Variants in ARSB observed in about 807,000 individuals in gnomAD.
The protein encoded by ARSB is N-acetylgalactosamine-4-sulfatase.
A neutral mutation model predicts 50.9 loss-of-function variants in ARSB; 41 were observed. The ratio of observed to expected loss-of-function variants is 0.81; its 90% CI spans 0.63 to 1.04. The LOEUF (loss-of-function observed/expected upper bound fraction) is 1.04, where lower values mean the gene tolerates loss of function less well. ARSB is among the 50% of genes least tolerant of loss of function. ARSB has a pLI of 0.00. For missense variants in ARSB, 672 were observed against 693.3 expected, an observed-to-expected ratio of 0.97 and a Z score of 0.35; for synonymous variants, 269 against 284.8, an observed-to-expected ratio of 0.94 and a Z score of 0.56.
At chr5:78,836,480 A>G (rs1264318874) in intron 6 of ARSB, among the ~76,000 whole-genome samples, 7 of 152,222 alleles carry the variant, frequency 4.6e-5, no homozygotes, top group Non-Finnish European at 2.9e-5. Context: ...GAGGATGCCT[A>G]AATTTGTGGC....
intron 5 of ARSB, among the ~76,000 whole-genome samples, chr5:78,860,858 C>T (rs1746399843): frequency 6.6e-6 from 1 of 151,098 alleles, no homozygotes; most frequent in Non-Finnish European, 1.5e-5. Context: ...AATTGATAGA[C>T]CACTAGCAAG....
chr5:78,969,279 A>T, intron 1 of ARSB, 87 bp from the exon 2 acceptor site: 1 of 1,382,734 alleles, frequency 7.2e-7, no homozygotes, highest in Non-Finnish European at 1.0e-6. Context: ...CTTACTGATC[A>T]TATCTGTTGA....
At chr5:78,826,053 CTT>C (rs35428296) in intron 6 of ARSB, among the ~76,000 whole-genome samples, 25 of 145,230 alleles carry the variant, frequency 1.7e-4, no homozygotes, top group Admixed American at 1.4e-4. Context: ...CTTTTTCTTT[CTT>C]TTTTTTTTTT....
chr5:78,944,663 C>T (rs1751126760), intron 4 of ARSB, among the ~76,000 whole-genome samples: 1 of 152,184 alleles, frequency 6.6e-6, no homozygotes, highest in African/African-American at 2.4e-5. Context: ...GGTTACCCGG[C>T]CATGTGAGAT....
At chr5:78,919,864 G>A (rs1307718122) in intron 4 of ARSB, among the ~76,000 whole-genome samples, 1 of 152,178 alleles carries the variant, frequency 6.6e-6, no homozygotes, top group African/African-American at 2.4e-5. Flanking sequence ...GAACTGCAGA[G>A]ATTTTGAGTG....
chr5:78,826,191 C>T (rs561975521), intron 6 of ARSB, among the ~76,000 whole-genome samples: 1 of 151,988 alleles, frequency 6.6e-6, no homozygotes, highest in East Asian at 1.9e-4. Flanking sequence ...GGACTACAGG[C>T]GTGCACCACC....
chr5:78,909,765 T>TC (rs1398438558), intron 4 of ARSB, among the ~76,000 whole-genome samples: 1 of 151,852 alleles, frequency 6.6e-6, no homozygotes, highest in Non-Finnish European at 1.5e-5. Context: ...GACCTGACCA[T>TC]CCCCCCAGCC....
At chr5:78,841,813 T>C (rs1376023308) in intron 5 of ARSB, among the ~76,000 whole-genome samples, 1 of 152,156 alleles carries the variant, frequency 6.6e-6, no homozygotes, top group Non-Finnish European at 1.5e-5. Flanking sequence ...AGTTGATTGT[T>C]AGGAAAAATC....
chr5:78,916,739 A>G (rs1459165787), intron 4 of ARSB, among the ~76,000 whole-genome samples: 1 of 152,216 alleles, frequency 6.6e-6, no homozygotes, highest in Non-Finnish European at 1.5e-5. Context: ...GAATGAGACA[A>G]AGGTTTAGTA....
intron 5 of ARSB, among the ~76,000 whole-genome samples, chr5:78,872,378 G>A (rs1335456732): frequency 6.9e-6 from 1 of 144,628 alleles, no homozygotes; most frequent in Non-Finnish European, 1.5e-5. Flanking sequence ...TATGTTTATT[G>A]TGGCATTATT....
At chr5:78,918,212 T>C (rs1749646161) in intron 4 of ARSB, among the ~76,000 whole-genome samples, 1 of 152,224 alleles carries the variant, frequency 6.6e-6, no homozygotes, top group African/African-American at 2.4e-5. Flanking sequence ...TACATACATA[T>C]TAAAACCACT....
At chr5:78,839,277 G>T in intron 6 of ARSB, 79 bp downstream of exon 6, 1 of 1,360,686 alleles carries the variant, frequency 7.3e-7, no homozygotes. Context: ...GAGAAAGCTA[G>T]GCTAGAGACA....
At chr5:78,904,078 T>C (rs1332793683) in intron 4 of ARSB, among the ~76,000 whole-genome samples, 3 of 152,122 alleles carry the variant, frequency 2.0e-5, no homozygotes, top group East Asian at 1.9e-4. Context: ...CAGAATGTCA[T>C]ATAAAAAAAT....
intron 4 of ARSB, among the ~76,000 whole-genome samples, chr5:78,918,616 T>C (rs1749666530): frequency 6.6e-6 from 1 of 152,168 alleles, no homozygotes; most frequent in African/African-American, 2.4e-5. Context: ...CAACATGGTA[T>C]TTCTGAAACT....
intron 6 of ARSB, among the ~76,000 whole-genome samples, chr5:78,817,552 T>C (rs1026803551): frequency 6.6e-6 from 1 of 152,230 alleles, no homozygotes; most frequent in African/African-American, 2.4e-5. Context: ...CTCACACCTG[T>C]ACTCCCAGCA....
rs1342210667 is a variant in ARSB at position 78,782,025 on chromosome 5, G to A, written c.1214-51C>T. 1.9e-6 allele frequency: 3 copies of A among 1,612,234 alleles called. No homozygotes were observed. The African/African-American group carries it at 4.0e-5, about 22-fold the overall frequency. On this transcript the variant is annotated intron_variant, in intron 6 of 7. Transcript: ENST00000264914. Reference sequence around the variant, plus strand: ...TAGATCACTGTTATTGGAACGTGTTGTTATAAATCAGCATTTTATACCCTT... The same window carrying A: ...TAGATCACTGTTATTGGAACGTGTTATTATAAATCAGCATTTTATACCCTT...
At chr5:78,893,984 C>T (rs1466179464) in intron 4 of ARSB, among the ~76,000 whole-genome samples, 12 of 152,150 alleles carry the variant, frequency 7.9e-5, no homozygotes. Context: ...GGGAGTGTTA[C>T]AGTTTACTCA....
intron 6 of ARSB, chr5:78,815,470 G>GC: frequency 1.1e-6 from 1 of 911,536 alleles, no homozygotes. Flanking sequence ...GTGTGACTTG[G>GC]CAAATGGAGG....
chr5:78,842,367 G>A (rs960648851), intron 5 of ARSB, among the ~76,000 whole-genome samples: 1 of 152,182 alleles, frequency 6.6e-6, no homozygotes, highest in Non-Finnish European at 1.5e-5. Flanking sequence ...GAAAAGACCA[G>A]TAAATGGCAG....
Sources: gnomAD v4.1 joint callset for allele counts (sites outside exome capture counted in the v4.1 genomes callset) on GRCh38, gnomAD v4.1.1 for gene constraint, MANE v1.5 for transcripts, NCBI Gene and HGNC (gene_info 2026-07-23, HGNC 2026-07-21) for gene names.